The following SPANXN2 variants were observed in gnomAD, a reference collection of about 807,000 sequenced individuals.
SPANXN2 encodes the protein sperm protein associated with the nucleus on the X chromosome N2.
A neutral mutation model predicts 2.0 loss-of-function variants in SPANXN2; 1 was observed. The observed-to-expected ratio is 0.50, with a 90% CI of 0.18 to 2.36. The LOEUF (loss-of-function observed/expected upper bound fraction) is 2.36. Ranked by LOEUF, SPANXN2 falls within the 30% of genes most tolerant of loss-of-function variation. SPANXN2 has a pLI of 0.26. For missense variants in SPANXN2, 88 were observed against 116.7 expected, an observed-to-expected ratio of 0.75 and a Z score of 1.13; for synonymous variants, 43 against 49.8, an observed-to-expected ratio of 0.86 and a Z score of 0.58.
exon 2 of SPANXN2, chrX:143,712,471 G>A: frequency 8.3e-7 from 1 of 1,211,089 alleles, no homozygotes; most frequent in Non-Finnish European, 1.1e-6. Flanking sequence ...CTGTTTGGGG[G>A]CTAAGACCCT....
At chrX:143,715,372 G>A in intron 1 of SPANXN2, among the ~76,000 whole-genome samples, 1 of 110,063 alleles carries the variant, frequency 9.1e-6, no homozygotes, top group Admixed American at 9.7e-5. Flanking sequence ...CTCTTTCCTG[G>A]TTATCCCTCA....
chrX:143,718,308 G>A (rs1454593210), intron 1 of SPANXN2, among the ~76,000 whole-genome samples: 1 of 110,855 alleles, frequency 9.0e-6, no homozygotes, highest in East Asian at 2.8e-4. Context: ...CTTGGCCGGC[G>A]TTACACCTCA....
At chrX:143,719,850 T>A (rs1255178887) in intron 1 of SPANXN2, among the ~76,000 whole-genome samples, 1 of 110,116 alleles carries the variant, frequency 9.1e-6, no homozygotes, top group African/African-American at 3.3e-5. Context: ...GGGCCGTTAA[T>A]CTTCCTCCTC....
chrX:143,718,276 TC>T (rs1261757464), intron 1 of SPANXN2, among the ~76,000 whole-genome samples: 1 of 110,969 alleles, frequency 9.0e-6, no homozygotes, highest in Non-Finnish European at 1.9e-5. Flanking sequence ...CCCTGTATTT[TC>T]CCCCCATTCT....
At chrX:143,716,987 C>T (rs1305380610) in intron 1 of SPANXN2, among the ~76,000 whole-genome samples, 2 of 112,189 alleles carry the variant, frequency 1.8e-5, no homozygotes, top group African/African-American at 6.5e-5. Flanking sequence ...ACTCCCTCTC[C>T]TCCCCCTTCC....
chrX:143,720,513 G>A, intron 1 of SPANXN2, 78 bp downstream of exon 1: 3 of 1,072,560 alleles, frequency 2.8e-6, no homozygotes, highest in Non-Finnish European at 3.8e-6. Flanking sequence ...CAGTATTCCT[G>A]TGTTGCTGTT....
At chrX:143,712,461 C>G in exon 2 of SPANXN2, 1 of 1,211,820 alleles carries the variant, frequency 8.3e-7, no homozygotes, top group Non-Finnish European at 1.1e-6. Context: ...TTTGCAAGCT[C>G]TGTTTGGGGG....
chrX:143,714,313 T>C (rs1932220715), intron 1 of SPANXN2, among the ~76,000 whole-genome samples: 1 of 111,742 alleles, frequency 8.9e-6, no homozygotes, highest in Admixed American at 9.5e-5. Context: ...TTGACTCCTT[T>C]TCAATGGATC....
rs180813286 is a variant in SPANXN2 at position 143,715,549 on chromosome X, G to T, written c.79-3050C>A. 2.0e-3 allele frequency among the ~76,000 whole-genome samples: 213 copies of T among 108,414 alleles called. 1 individual carries two copies. Among genetic ancestry groups the T allele is most frequent in the African/African-American group, 6.8e-3 (202 of 29,837 alleles). 94.1% of individuals were successfully genotyped at this position (108,414 alleles called of 115,157 possible). ...CCTGTTACCTTCTGTTAATTCTAAAGCTTGGAATGTTTCTAAACCCACAAT... is the reference window on the plus strand; with the variant it reads ...CCTGTTACCTTCTGTTAATTCTAAATCTTGGAATGTTTCTAAACCCACAAT... On this transcript the variant is annotated intron_variant, in intron 1 of 1. Transcript: ENST00000598475.
At chrX:143,718,668 C>T (rs1439758248) in intron 1 of SPANXN2, among the ~76,000 whole-genome samples, 3 of 111,790 alleles carry the variant, frequency 2.7e-5, no homozygotes, top group Non-Finnish European at 3.8e-5. Context: ...ACACCTTAGT[C>T]CATAACACTC....
At chrX:143,719,765 AT>A (rs1306428311) in intron 1 of SPANXN2, among the ~76,000 whole-genome samples, 2 of 110,803 alleles carry the variant, frequency 1.8e-5, no homozygotes, top group Admixed American at 9.6e-5. Context: ...CAGGCTGTAC[AT>A]CTCATTCTAG....
chrX:143,715,608 T>C lies in SPANXN2; in HGVS notation c.79-3109A>G, dbSNP rs782819455. On this transcript the variant is annotated intron_variant, in intron 1 of 1. Transcript: ENST00000598475. Reference sequence around the variant, plus strand: ...ATCACATCCCAGTTAAAATAACCCTTCAAAACCCCTCCATTTTCCTTCATC... The same window carrying C: ...ATCACATCCCAGTTAAAATAACCCTCCAAAACCCCTCCATTTTCCTTCATC... Among the ~76,000 whole-genome samples the C allele has an allele frequency of 7.4e-4, 78 of 105,598 alleles. 2 individuals are homozygous for C. The highest frequency in any genetic ancestry group is 2.1e-3 in the African/African-American group (62 of 29,439). 91.7% of individuals were successfully genotyped at this position (105,598 alleles called of 115,157 possible). A position where few individuals can be genotyped will look rare whatever the true frequency, so the allele number is the denominator to read the frequency against.
At chrX:143,717,030 C>T (rs1310265572) in intron 1 of SPANXN2, among the ~76,000 whole-genome samples, 1 of 112,231 alleles carries the variant, frequency 8.9e-6, no homozygotes, top group Non-Finnish European at 1.9e-5. Flanking sequence ...GCAGGGAACA[C>T]ATACACGGTT....
intron 1 of SPANXN2, among the ~76,000 whole-genome samples, chrX:143,715,863 G>T (rs182382633): frequency 7.2e-5 from 8 of 111,126 alleles, no homozygotes; most frequent in African/African-American, 2.6e-4. Flanking sequence ...CTACTCTACC[G>T]TATTGCCCCA....
chrX:143,716,347 C>T (rs1162671479), intron 1 of SPANXN2, among the ~76,000 whole-genome samples: 2 of 110,280 alleles, frequency 1.8e-5, no homozygotes, highest in Non-Finnish European at 3.8e-5. Flanking sequence ...TGCCCCTTCC[C>T]CACATAAAAA....
At chrX:143,719,361 A>G (rs1381248985) in intron 1 of SPANXN2, among the ~76,000 whole-genome samples, 2 of 111,804 alleles carry the variant, frequency 1.8e-5, no homozygotes, top group African/African-American at 3.3e-5. Context: ...CAGGACCGCA[A>G]TGGCTATTAG....
At chrX:143,717,888 C>G (rs1556450137) in intron 1 of SPANXN2, among the ~76,000 whole-genome samples, 1 of 111,701 alleles carries the variant, frequency 9.0e-6, no homozygotes, top group Non-Finnish European at 1.9e-5. Flanking sequence ...TAGATACATT[C>G]TCTGGATGAA....
exon 2 of SPANXN2, chrX:143,712,023 C>T (rs782188455): frequency 1.6e-6 from 2 of 1,212,218 alleles, no homozygotes; most frequent in South Asian, 3.5e-5. Context: ...AATTTGGTTT[C>T]TCCATGTTTG....
chrX:143,718,480 A>G (rs1328293476), intron 1 of SPANXN2, among the ~76,000 whole-genome samples: 1 of 111,246 alleles, frequency 9.0e-6, no homozygotes, highest in African/African-American at 3.3e-5. Flanking sequence ...TCACCAGGTG[A>G]TGCTAACTAC....
Sources: allele counts gnomAD v4.1 joint callset (sites outside exome capture counted in the v4.1 genomes callset), GRCh38; gene constraint gnomAD v4.1.1; transcripts MANE v1.5; gene names NCBI Gene and HGNC (gene_info 2026-07-23, HGNC 2026-07-21).